ROBO1: variants seen among roughly 807,000 people sequenced by gnomAD.
ROBO1 encodes the protein roundabout homolog 1.
In ROBO1, 149 loss-of-function variants were observed where a neutral mutation model predicts 195.9. That is an observed-to-expected ratio of 0.76 (90% CI 0.67 to 0.87). ROBO1 has a LOEUF of 0.87. ROBO1 is among the 40% of genes least tolerant of loss of function. The probability of loss-of-function intolerance (pLI) is 0.00; values close to 1 mark genes in which losing one functional copy is unlikely to be tolerated. For missense variants in ROBO1, 1,933 were observed against 2,068.3 expected (o/e 0.93, Z 1.27); for synonymous variants, 816 against 733.2 (o/e 1.11, Z -1.82).
intron 3 of ROBO1, among the ~76,000 whole-genome samples, chr3:79,030,329 ATACTGC>A (rs1361853770): frequency 2.0e-5 from 3 of 152,182 alleles, no homozygotes; most frequent in Non-Finnish European, 4.4e-5. Flanking sequence ...AAGGCAAGGG[ATACTGC>A]TAAACATCTT....
intron 2 of ROBO1, among the ~76,000 whole-genome samples, chr3:79,408,231 A>C (rs2037628052): frequency 7.8e-6 from 1 of 127,746 alleles, no homozygotes; most frequent in South Asian, 2.7e-4. Flanking sequence ...AAAAATAAAA[A>C]AAATAAAAAA....
At chr3:78,600,019 A>C in intron 30 of ROBO1, 94 bp downstream of exon 30, 2 of 1,044,052 alleles carry the variant, frequency 1.9e-6, no homozygotes, top group Non-Finnish European at 3.0e-6. Context: ...GTTTGCAATA[A>C]AACAGTAACA....
chr3:78,675,752 G>A (rs1314057516), intron 10 of ROBO1, among the ~76,000 whole-genome samples: 1 of 152,148 alleles, frequency 6.6e-6, no homozygotes, highest in African/African-American at 2.4e-5. Flanking sequence ...GCAGGGCATA[G>A]ACAAACAAAA....
chr3:78,749,411 A>G (rs189135550), intron 4 of ROBO1, among the ~76,000 whole-genome samples: 2,390 of 152,248 alleles, frequency 0.016, 27 homozygotes, highest in Middle Eastern at 0.044. Flanking sequence ...TATAATATAT[A>G]ATGAAAAACT....
At chr3:78,676,266 C>G (rs1429743245) in intron 10 of ROBO1, among the ~76,000 whole-genome samples, 2 of 152,182 alleles carry the variant, frequency 1.3e-5, no homozygotes, top group Non-Finnish European at 2.9e-5. Context: ...AAAAGCAGAG[C>G]ACCTCTCCTC....
At chr3:78,698,045 T>C (rs1009781240) in intron 8 of ROBO1, among the ~76,000 whole-genome samples, 3 of 152,172 alleles carry the variant, frequency 2.0e-5, no homozygotes, top group African/African-American at 7.2e-5. Flanking sequence ...AGGCGATTTT[T>C]TCCCCATTCT....
At chr3:79,218,162 A>G (rs941416598) in intron 2 of ROBO1, among the ~76,000 whole-genome samples, 1 of 152,070 alleles carries the variant, frequency 6.6e-6, no homozygotes, top group Non-Finnish European at 1.5e-5. Flanking sequence ...GGCATCTTGC[A>G]TATCCTCCCT....
intron 1 of ROBO1, among the ~76,000 whole-genome samples, chr3:79,758,272 T>C (rs562177977): frequency 6.6e-6 from 1 of 152,232 alleles, no homozygotes; most frequent in Non-Finnish European, 1.5e-5. Context: ...ACATATTCAT[T>C]GCATAAAATT....
intron 5 of ROBO1, among the ~76,000 whole-genome samples, 170 bp from the exon 6 acceptor site, chr3:78,718,053 T>C (rs553008659): frequency 1.5e-4 from 23 of 152,310 alleles, no homozygotes; most frequent in Admixed American, 1.2e-3. Context: ...TTAAAGAGAA[T>C]TGACTCCAAA....
intron 2 of ROBO1, among the ~76,000 whole-genome samples, chr3:79,305,830 T>C (rs1008860561): frequency 2.0e-5 from 3 of 152,238 alleles, no homozygotes; most frequent in Admixed American, 6.5e-5. Flanking sequence ...GGAAAGAACA[T>C]TGTTCACTAT....
At chr3:78,897,961 C>CA (rs999486503) in intron 4 of ROBO1, among the ~76,000 whole-genome samples, 27 of 150,860 alleles carry the variant, frequency 1.8e-4, no homozygotes, top group Admixed American at 1.1e-3. Flanking sequence ...AACCAAAATA[C>CA]AAAAAAAACC....
In ROBO1 at chr3:78,817,777, T is replaced by C. The variant is rs555737560; in HGVS notation, c.500-70877A>G. Among the ~76,000 whole-genome samples the C allele has an allele frequency of 4.1e-4, 62 of 152,314 alleles. 1 individual carries two copies. The Middle Eastern group carries it at 0.01, about 25-fold the overall frequency. On this transcript the variant is annotated intron_variant, in intron 4 of 30. Coordinates refer to ENST00000464233, the MANE Select transcript of ROBO1 (RefSeq NM_002941.4). ...GAGCTAGTTAAAGTTGCCAAGAATT[T>C]CAACCATTAGTCAGAGTTTCAATGG...
chr3:79,683,615 T>C (rs1947013658), intron 1 of ROBO1, among the ~76,000 whole-genome samples: 1 of 152,082 alleles, frequency 6.6e-6, no homozygotes, highest in East Asian at 1.9e-4. Flanking sequence ...TTTCCCCTCA[T>C]CTCCAGCTCC....
At chr3:78,846,384 A>G (rs1377955253) in intron 4 of ROBO1, among the ~76,000 whole-genome samples, 1 of 152,150 alleles carries the variant, frequency 6.6e-6, no homozygotes, top group African/African-American at 2.4e-5. Flanking sequence ...AATTGCAATT[A>G]AAATGGATGC....
At chr3:79,519,628 C>CCAAAA (rs1941114667) in intron 2 of ROBO1, among the ~76,000 whole-genome samples, 1 of 64,716 alleles carries the variant, frequency 1.5e-5, no homozygotes, top group African/African-American at 5.7e-5. Flanking sequence ...GACTCCTGCT[C>CCAAAA]AAAAAAAAAA....
intron 1 of ROBO1, among the ~76,000 whole-genome samples, chr3:79,690,341 G>A (rs1393413234): frequency 2.0e-5 from 3 of 152,022 alleles, no homozygotes; most frequent in African/African-American, 7.2e-5. Flanking sequence ...AGAGAGAGAT[G>A]TGAAGAGTGA....
At chr3:78,665,024 A>G (rs939977035) in intron 14 of ROBO1, among the ~76,000 whole-genome samples, 12 of 152,160 alleles carry the variant, frequency 7.9e-5, no homozygotes, top group Admixed American at 6.5e-5. Context: ...GTTAAGGAAA[A>G]GATGTCATGT....
chr3:79,228,523 T>C (rs944905497), intron 2 of ROBO1, among the ~76,000 whole-genome samples: 6 of 152,158 alleles, frequency 3.9e-5, no homozygotes, highest in Admixed American at 1.3e-4. Flanking sequence ...GTGCAAGAAA[T>C]TGGTATAATT....
At chr3:78,841,483 G>A (rs1448040933) in intron 4 of ROBO1, among the ~76,000 whole-genome samples, 1 of 152,154 alleles carries the variant, frequency 6.6e-6, no homozygotes, top group Non-Finnish European at 1.5e-5. Flanking sequence ...CAGCAGAGCA[G>A]TTACAGTGCC....
Sources: gnomAD v4.1 joint callset for allele counts (sites outside exome capture counted in the v4.1 genomes callset) on GRCh38, gnomAD v4.1.1 for gene constraint, MANE v1.5 for transcripts, NCBI Gene and HGNC (gene_info 2026-07-23, HGNC 2026-07-21) for gene names.